Variants in AP3D1 observed in about 807,000 individuals in gnomAD.
AP3D1 encodes adaptor related protein complex 3 subunit delta 1.
In AP3D1, 51 loss-of-function variants were observed where a neutral mutation model predicts 147.6. The observed-to-expected ratio is 0.35, with a 90% CI of 0.28 to 0.44. The LOEUF (loss-of-function observed/expected upper bound fraction) is 0.44. AP3D1 is among the 20% of genes least tolerant of loss of function. The probability of loss-of-function intolerance (pLI) is 1.00; values close to 1 mark genes in which losing one functional copy is unlikely to be tolerated. For synonymous variants in AP3D1, 760 were observed against 663.0 expected (o/e 1.15, Z -2.25); for missense variants, 1,421 against 1,624.2 (o/e 0.87, Z 2.15).
At chr19:2,109,257 C>T (rs2018197668) in intron 29 of AP3D1, 50 bp from the exon 30 acceptor site, 1 of 1,518,800 alleles carries the variant, frequency 6.6e-7, no homozygotes, top group South Asian at 1.3e-5. Context: ...GCTCCTCAGG[C>T]TTCCTGGCAC....
intron 1 of AP3D1, among the ~76,000 whole-genome samples, chr19:2,141,346 G>A (rs1002853253): frequency 6.6e-6 from 1 of 151,662 alleles, no homozygotes; most frequent in Non-Finnish European, 1.5e-5. Flanking sequence ...TAGAACACAG[G>A]GTGCGTATTT....
chr19:2,113,885 G>A (rs1193710680), intron 22 of AP3D1, among the ~76,000 whole-genome samples: 2 of 152,200 alleles, frequency 1.3e-5, no homozygotes, highest in East Asian at 3.9e-4. Context: ...CAACACAGGT[G>A]AGGACACGGC....
chr19:2,152,052 C>T (rs1238218250), upstream of AP3D1, among the ~76,000 whole-genome samples: 1 of 152,210 alleles, frequency 6.6e-6, no homozygotes, highest in East Asian at 1.9e-4. Flanking sequence ...GTGAAATGGG[C>T]AAGACAGACA....
chr19:2,119,699 C>CAAAA (rs954635585), intron 14 of AP3D1, among the ~76,000 whole-genome samples: 17 of 25,354 alleles, frequency 6.7e-4, no homozygotes, highest in Admixed American at 1.3e-3. Context: ...GACTCTGTCT[C>CAAAA]AAAAAAAAAA....
chr19:2,127,990 T>C (rs2018806797), intron 8 of AP3D1, among the ~76,000 whole-genome samples: 2 of 152,220 alleles, frequency 1.3e-5, no homozygotes, highest in Admixed American at 1.3e-4. Flanking sequence ...CGTGTGCGCG[T>C]ATGCTACACT....
In AP3D1 at chr19:2,101,734, C is replaced by T. The variant is rs77546082; in HGVS notation, c.*439G>A. On this transcript the variant is annotated 3_prime_UTR_variant, in exon 32 of 32. Coordinates refer to ENST00000643116, the MANE Select transcript of AP3D1 (RefSeq NM_001261826.3). ...ACAGCGGCCCTTCCTTCCCCTCCCC[C>T]GGACGCAACCGTCAGGACCTTTGGG... The T allele has an allele frequency of 3.1e-3, 492 of 157,510 alleles. 2 individuals carry two copies. Among genetic ancestry groups the T allele is most frequent in the Middle Eastern group, 0.012 (4 of 324 alleles). The allele number at this position is 157,510 out of a possible 1,614,324, so 9.8% of individuals were successfully genotyped here. A position where few individuals can be genotyped will look rare whatever the true frequency, so the allele number is the denominator to read the frequency against.
intron 31 of AP3D1, among the ~76,000 whole-genome samples, chr19:2,105,845 C>T (rs138661291): frequency 5.9e-5 from 9 of 152,272 alleles, no homozygotes; most frequent in Non-Finnish European, 1.2e-4. Context: ...CTTCTAATAC[C>T]AGCACTTTGG....
chr19:2,110,611 G>T, intron 27 of AP3D1, 96 bp downstream of exon 27: 1 of 1,311,906 alleles, frequency 7.6e-7, no homozygotes, highest in Non-Finnish European at 1.0e-6. Context: ...GGGGACATGG[G>T]GAGGAAGCAA....
chr19:2,118,885 T>G, intron 14 of AP3D1, 53 bp from the exon 15 acceptor site: 1 of 1,538,932 alleles, frequency 6.5e-7, no homozygotes, highest in Admixed American at 1.8e-5. Context: ...GGGGCTCCTC[T>G]CTAGCAGGTG....
At chr19:2,123,962 C>T in intron 9 of AP3D1, 83 bp from the exon 10 acceptor site, 1 of 1,452,028 alleles carries the variant, frequency 6.9e-7, no homozygotes, top group South Asian at 1.2e-5. Flanking sequence ...GCACCAGCAC[C>T]CCCTCGCCGG....
chr19:2,122,548 G>C (rs183609299), intron 11 of AP3D1, among the ~76,000 whole-genome samples: 1 of 152,214 alleles, frequency 6.6e-6, no homozygotes, highest in Non-Finnish European at 1.5e-5. Context: ...ACTGAGACCC[G>C]CGTGTGGGTG....
intron 3 of AP3D1, among the ~76,000 whole-genome samples, chr19:2,137,489 T>C (rs2019107894): frequency 6.6e-6 from 1 of 152,060 alleles, no homozygotes; most frequent in African/African-American, 2.4e-5. Context: ...CTAAATTTTG[T>C]ATTTTTAGTA....
rs73512399 is a variant in AP3D1 at position 2,141,195 on chromosome 19, G to A, written c.97-2481C>T. On this transcript the variant is annotated intron_variant, in intron 1 of 31. Coordinates refer to ENST00000643116, the MANE Select transcript of AP3D1 (RefSeq NM_001261826.3). ...CATTGACACTTTCTACAAAAACACC[G>A]GGAAATCAGAGGAGCAACATGGTGA... 5.9e-3 allele frequency among the ~76,000 whole-genome samples: 894 copies of A among 152,120 alleles called. 7 individuals are homozygous for A. The highest frequency in any genetic ancestry group is 0.02 in the African/African-American group (838 of 41,512).
chr19:2,143,868 G>A (rs1388809715), intron 1 of AP3D1, among the ~76,000 whole-genome samples: 2 of 151,884 alleles, frequency 1.3e-5, no homozygotes, highest in Admixed American at 6.6e-5. Context: ...CGGGTGCATC[G>A]CCTGAGGTTG....
Position 2,120,876 on chromosome 19 carries a change from G to T in AP3D1, c.1467C>A (p.Cys489Ter). 6.2e-7 allele frequency: 1 copy of T among 1,608,866 alleles called. No individual in the cohort carries two copies. Residue 489 changes from cysteine (C) to a stop codon, truncating the protein, a stop_gained, in exon 14 of 32, where the codon TGC becomes TGA. Coordinates refer to ENST00000643116, the MANE Select transcript of AP3D1 (RefSeq NM_001261826.3). LOFTEE classifies it high-confidence loss of function. Reference sequence around the variant, plus strand: ...CGCCCACTCACTCTGAGAACTCCCCGCAGATCCAGGCGGCAGCGTACAGCA... The same window carrying T: ...CGCCCACTCACTCTGAGAACTCCCCTCAGATCCAGGCGGCAGCGTACAGCA... ...CEVLYAAAWI[C>*]GEFSEHLQEP...
chr19:2,116,268 G>A lies in AP3D1; in HGVS notation c.2012C>T (p.Ala671Val), dbSNP rs771663760. Residue 671 changes from alanine (A) to valine (V), a missense_variant, in exon 18 of 32, where the codon GCC becomes GTC. Coordinates refer to ENST00000643116, the MANE Select transcript of AP3D1 (RefSeq NM_001261826.3). ...GTTGTTGGCCTGCTCCTGCTTCCGG[G>A]CCTCTCGGCGCTGTGGGACACAGCT... Reference protein sequence around the residue: ...DEEELARRREARKQEQANNPF... With the variant: ...DEEELARRREVRKQEQANNPF... 5.0e-5 allele frequency: 80 copies of A among 1,613,928 alleles called. No homozygotes were observed. Among genetic ancestry groups the A allele is most frequent in the Non-Finnish European group, 6.5e-5 (77 of 1,180,006 alleles).
intron 5 of AP3D1, 149 bp from the exon 6 acceptor site, chr19:2,130,686 T>C (rs933310937): frequency 7.8e-7 from 1 of 1,274,344 alleles, no homozygotes. Flanking sequence ...GACCAGCATC[T>C]TGGATGGCAT....
At position 2,108,677 on chromosome 19, in the gene AP3D1, C is replaced by T. The variant is rs567719709; in HGVS notation, c.3552+10G>A. The T allele has an allele frequency of 8.3e-6, 13 of 1,570,268 alleles. No individual in the cohort carries two copies. The highest frequency in any genetic ancestry group is 1.2e-5 in the South Asian group (1 of 85,138). On this transcript the variant is annotated intron_variant, in intron 31 of 31. Transcript: ENST00000643116. The stretch of plus-strand genomic sequence containing the variant: ...AGGAGCCAGGGTGTGCACAGCAGCC[C>T]GAGGCTCACCTTTTTCACCAGGAGG...
chr19:2,111,109 A>G, intron 26 of AP3D1, 176 bp downstream of exon 26: 1 of 940,028 alleles, frequency 1.1e-6, no homozygotes, highest in Non-Finnish European at 1.6e-6. Flanking sequence ...GTCTCAGGGC[A>G]TGTCTCCAAC....
Sources: allele counts gnomAD v4.1 joint callset (sites outside exome capture counted in the v4.1 genomes callset), GRCh38; gene constraint gnomAD v4.1.1; transcripts MANE v1.5; gene names NCBI Gene and HGNC (gene_info 2026-07-23, HGNC 2026-07-21).